The following ROBO2 variants were observed in gnomAD, a reference collection of about 807,000 sequenced individuals.
ROBO2 encodes roundabout guidance receptor 2, also known as roundabout homolog 2.
In ROBO2, 53 loss-of-function variants were observed where a neutral mutation model predicts 160.8. The observed-to-expected ratio is 0.33, with a 90% CI of 0.26 to 0.41. The LOEUF is 0.41. ROBO2 is among the 10% of genes least tolerant of loss of function. The pLI, the probability that ROBO2 is intolerant of heterozygous loss-of-function variation, is 1.00. For synonymous variants in ROBO2, 664 were observed against 611.7 expected (o/e 1.09, Z -1.26); for missense variants, 1,577 against 1,722.4 (o/e 0.92, Z 1.49).
intron 5 of ROBO2, among the ~76,000 whole-genome samples, chr3:77,515,314 A>G (rs1202265163): frequency 6.6e-6 from 1 of 151,644 alleles, no homozygotes; most frequent in Non-Finnish European, 1.5e-5. Flanking sequence ...ATGGTGTACA[A>G]TTGTATTAGG....
intron 2 of ROBO2, among the ~76,000 whole-genome samples, chr3:77,441,421 C>G (rs2079908163): frequency 6.6e-6 from 1 of 151,474 alleles, no homozygotes; most frequent in African/African-American, 2.4e-5. Flanking sequence ...TTAAAATATT[C>G]ATAAAATAAT....
chr3:77,377,079 T>C (rs2072785943), intron 2 of ROBO2, among the ~76,000 whole-genome samples: 1 of 152,194 alleles, frequency 6.6e-6, no homozygotes, highest in African/African-American at 2.4e-5. Flanking sequence ...TATGTGGTGA[T>C]TTGTGAGTTT....
chr3:77,248,919 C>T (rs1439522102), intron 2 of ROBO2, among the ~76,000 whole-genome samples: 2 of 151,970 alleles, frequency 1.3e-5, no homozygotes, highest in Non-Finnish European at 1.5e-5. Flanking sequence ...AGTCTGTTAC[C>T]CAGGCTGGAG....
chr3:77,384,752 G>T (rs1487069594), intron 2 of ROBO2, among the ~76,000 whole-genome samples: 1 of 152,106 alleles, frequency 6.6e-6, no homozygotes, highest in Non-Finnish European at 1.5e-5. Context: ...GAGTCACAAA[G>T]TATATATAAA....
intron 2 of ROBO2, among the ~76,000 whole-genome samples, chr3:76,714,744 C>T (rs997242788): frequency 1.3e-5 from 2 of 152,126 alleles, no homozygotes; most frequent in Admixed American, 6.6e-5. Context: ...GTACACAAAT[C>T]TATTGCCAAT....
At chr3:76,614,627 G>T (rs1207814278) in intron 2 of ROBO2, among the ~76,000 whole-genome samples, 1 of 152,050 alleles carries the variant, frequency 6.6e-6, no homozygotes, top group Non-Finnish European at 1.5e-5. Flanking sequence ...TTGGCATTTA[G>T]ATCATTTCAA....
At chr3:76,110,339 G>A (rs1251820222) in intron 2 of ROBO2, among the ~76,000 whole-genome samples, 1 of 152,038 alleles carries the variant, frequency 6.6e-6, no homozygotes, top group Non-Finnish European at 1.5e-5. Context: ...ATAAAGTTAA[G>A]TAACATGACA....
At chr3:76,196,538 G>T (rs959254671) in intron 2 of ROBO2, among the ~76,000 whole-genome samples, 39 of 152,128 alleles carry the variant, frequency 2.6e-4, no homozygotes, top group South Asian at 8.3e-4. Flanking sequence ...AAAAATGAGA[G>T]AAAATACTCT....
chr3:76,717,359 G>A (rs1056224260), intron 2 of ROBO2, among the ~76,000 whole-genome samples: 3 of 152,014 alleles, frequency 2.0e-5, no homozygotes, highest in Non-Finnish European at 2.9e-5. Context: ...GGGCATGGTG[G>A]CAGGCACTTG....
At chr3:76,223,201 A>G (rs930619169) in intron 2 of ROBO2, among the ~76,000 whole-genome samples, 9 of 151,906 alleles carry the variant, frequency 5.9e-5, no homozygotes, top group African/African-American at 2.2e-4. Flanking sequence ...GGATCCTGCT[A>G]GAACTGAAGT....
At chr3:77,317,807 GGGGGGGCTGCT>G (rs1471228382) in intron 2 of ROBO2, among the ~76,000 whole-genome samples, 1 of 20,666 alleles carries the variant, frequency 4.8e-5, no homozygotes, top group Non-Finnish European at 8.0e-5. Flanking sequence ...GGGGGCTGCT[GGGGGGGCTGCT>G]GGGGGGCTGC....
intron 2 of ROBO2, among the ~76,000 whole-genome samples, chr3:76,988,958 A>C (rs897299763): frequency 1.8e-4 from 28 of 152,186 alleles, no homozygotes; most frequent in Non-Finnish European, 4.1e-4. Flanking sequence ...ATATTAAGGT[A>C]TATAATAAAA....
chr3:77,228,922 G>A (rs1306371290), intron 2 of ROBO2, among the ~76,000 whole-genome samples: 1 of 152,062 alleles, frequency 6.6e-6, no homozygotes, highest in Non-Finnish European at 1.5e-5. Context: ...AGAAATAGTT[G>A]AACTACTCAT....
At chr3:76,434,658 C>T (rs1310862672) in intron 2 of ROBO2, 7 of 1,219,478 alleles carry the variant, frequency 5.7e-6, no homozygotes, top group Non-Finnish European at 8.5e-6. Flanking sequence ...TGGACTCTGC[C>T]ATCTGGACCC....
chr3:76,136,858 T>C (rs1366527051), intron 2 of ROBO2, among the ~76,000 whole-genome samples: 3 of 151,988 alleles, frequency 2.0e-5, no homozygotes, highest in African/African-American at 7.2e-5. Flanking sequence ...CCAGTCACCG[T>C]CACAAAAATG....
At chr3:77,619,388 C>T (rs2094852129) in intron 22 of ROBO2, among the ~76,000 whole-genome samples, 1 of 152,128 alleles carries the variant, frequency 6.6e-6, no homozygotes, top group Non-Finnish European at 1.5e-5. Context: ...AGATTTTACA[C>T]TCAAAGCTAC....
At chr3:75,951,290 T>C (rs1417402479) in intron 2 of ROBO2, among the ~76,000 whole-genome samples, 4 of 152,078 alleles carry the variant, frequency 2.6e-5, no homozygotes, top group Admixed American at 1.3e-4. Context: ...GTGTGTTTTG[T>C]TTGAGATTGG....
At chr3:76,607,844 A>G (rs913175494) in intron 2 of ROBO2, among the ~76,000 whole-genome samples, 22 of 152,202 alleles carry the variant, frequency 1.4e-4, no homozygotes, top group African/African-American at 5.3e-4. Flanking sequence ...CTATCCACTC[A>G]AAAATCTTTC....
intron 2 of ROBO2, among the ~76,000 whole-genome samples, chr3:76,670,565 C>A (rs2110167465): frequency 6.6e-6 from 1 of 152,118 alleles, no homozygotes; most frequent in East Asian, 1.9e-4. Flanking sequence ...ACCCTCTGGG[C>A]AAACCTGCAT....
Sources: allele counts gnomAD v4.1 joint callset (sites outside exome capture counted in the v4.1 genomes callset), GRCh38; gene constraint gnomAD v4.1.1; transcripts MANE v1.5; gene names NCBI Gene and HGNC (gene_info 2026-07-23, HGNC 2026-07-21).